PWP1: variants seen among roughly 807,000 people sequenced by gnomAD.
The protein encoded by PWP1 is PWP1 homolog, endonuclein.
In PWP1, 47 loss-of-function variants were observed where a neutral mutation model predicts 69.9. The ratio of observed to expected loss-of-function variants is 0.67; its 90% CI spans 0.53 to 0.86. The LOEUF (loss-of-function observed/expected upper bound fraction) is 0.86, where lower values mean the gene tolerates loss of function less well. Among genes scored for constraint, PWP1 ranks in the 40% least tolerant of loss-of-function variants. PWP1 has a pLI of 0.00. For missense variants in PWP1, 551 were observed against 608.8 expected (o/e 0.91, Z 1.00); for synonymous variants, 222 against 208.2 (o/e 1.07, Z -0.57).
intron 5 of PWP1, among the ~76,000 whole-genome samples, chr12:107,696,029 CTTTTTTTTTT>C (rs397700499): frequency 9.6e-6 from 1 of 103,752 alleles, no homozygotes; most frequent in Non-Finnish European, 1.8e-5. Context: ...ATATTGGAAT[CTTTTTTTTTT>C]TTTTTTTTTT....
intron 13 of PWP1, among the ~76,000 whole-genome samples, 170 bp from the exon 14 acceptor site, chr12:107,710,235 G>A (rs947464946): frequency 6.6e-6 from 1 of 152,100 alleles, no homozygotes; most frequent in Non-Finnish European, 1.5e-5. Flanking sequence ...TGTAGTACTA[G>A]CCCTTCTGAC....
chr12:107,710,775 G>T (rs886147777), intron 14 of PWP1, among the ~76,000 whole-genome samples: 2 of 152,216 alleles, frequency 1.3e-5, no homozygotes, highest in Non-Finnish European at 2.9e-5. Flanking sequence ...ACCAAGTGCA[G>T]AATGTGTGTC....
intron 10 of PWP1, among the ~76,000 whole-genome samples, chr12:107,704,071 C>A (rs181868294): frequency 3.3e-5 from 5 of 152,210 alleles, no homozygotes; most frequent in Non-Finnish European, 7.3e-5. Context: ...TGTGGTCAAC[C>A]ACGGGGTTTA....
intron 8 of PWP1, among the ~76,000 whole-genome samples, chr12:107,699,721 A>AG (rs1889666506): frequency 1.3e-5 from 2 of 152,206 alleles, no homozygotes; most frequent in African/African-American, 4.8e-5. Context: ...ATGGTGCAGT[A>AG]GGATTGTGTT....
chr12:107,689,927 T>G (rs1007304218), intron 3 of PWP1, among the ~76,000 whole-genome samples: 1 of 152,210 alleles, frequency 6.6e-6, no homozygotes, highest in Non-Finnish European at 1.5e-5. Context: ...CAAAGCTCGC[T>G]TTGTTTCTTT....
intron 6 of PWP1, 112 bp from the exon 7 acceptor site, chr12:107,697,355 G>T: frequency 9.1e-7 from 1 of 1,095,216 alleles, no homozygotes; most frequent in Non-Finnish European, 1.2e-6. Flanking sequence ...ATATAAGTTT[G>T]AGAAGCACTG....
At chr12:107,704,419 A>G (rs1187385412) in intron 10 of PWP1, among the ~76,000 whole-genome samples, 1 of 152,248 alleles carries the variant, frequency 6.6e-6, no homozygotes, top group Non-Finnish European at 1.5e-5. Flanking sequence ...GGTCAAAACC[A>G]CTGTAACGTT....
In PWP1 at chr12:107,685,856, A is replaced by G. The variant is rs201124969; in HGVS notation, c.-44A>G. The G allele has an allele frequency of 6.2e-5, 99 of 1,608,762 alleles. No individual in the cohort carries two copies. The African/African-American group carries it at 1.1e-3, about 17-fold the overall frequency. ...AGCAGTGCGGTCGTGGTCCCTCCCT[A>G]TGCAGCCTGGTTTCTAGCGTGACAC... On this transcript the variant is annotated 5_prime_UTR_variant, in exon 1 of 15. It removes an upstream start codon present in the reference 5' UTR. Coordinates refer to ENST00000412830, the MANE Select transcript of PWP1 (RefSeq NM_007062.3).
At chr12:107,698,660 C>A (rs1889642133) in intron 7 of PWP1, among the ~76,000 whole-genome samples, 1 of 152,248 alleles carries the variant, frequency 6.6e-6, no homozygotes. Flanking sequence ...TTATAGTTCA[C>A]TGCAGCCTGA....
intron 11 of PWP1, among the ~76,000 whole-genome samples, chr12:107,706,072 T>G (rs1402949959): frequency 1.3e-5 from 2 of 152,246 alleles, no homozygotes; most frequent in East Asian, 1.9e-4. Context: ...GTTTCCTGAC[T>G]TTTTAATGAT....
intron 3 of PWP1, 121 bp from the exon 4 acceptor site, chr12:107,692,693 A>G: frequency 1.2e-6 from 1 of 829,794 alleles, no homozygotes; most frequent in Non-Finnish European, 1.9e-6. Context: ...CCAACTCTAG[A>G]TGATCCAGAG....
chr12:107,699,326 T>A, intron 7 of PWP1, 47 bp from the exon 8 acceptor site: 1 of 1,389,252 alleles, frequency 7.2e-7, no homozygotes, highest in Non-Finnish European at 1.0e-6. Context: ...TCAGTTTTAT[T>A]ATGAGGGGGA....
At chr12:107,696,034 T>G (rs940597884) in intron 5 of PWP1, among the ~76,000 whole-genome samples, 3 of 146,614 alleles carry the variant, frequency 2.0e-5, no homozygotes, top group African/African-American at 7.5e-5. Context: ...GGAATCTTTT[T>G]TTTTTTTTTT....
At chr12:107,697,868 A>G (rs368137274) in intron 7 of PWP1, 1 of 491,142 alleles carries the variant, frequency 2.0e-6, no homozygotes, top group Non-Finnish European at 3.9e-6. Context: ...CTATAGATGA[A>G]GGACTTTCGG....
chr12:107,695,954 T>C (rs1174380995), intron 5 of PWP1, among the ~76,000 whole-genome samples: 1 of 152,170 alleles, frequency 6.6e-6, no homozygotes, highest in African/African-American at 2.4e-5. Context: ...AGTGTTCATT[T>C]TCTCCTGTGG....
At chr12:107,693,180 C>G (rs1889520031) in intron 5 of PWP1, 84 bp downstream of exon 5, 1 of 1,495,026 alleles carries the variant, frequency 6.7e-7, no homozygotes, top group African/African-American at 1.4e-5. Context: ...TTTTTAGGTG[C>G]CAGATCCTAT....
intron 8 of PWP1, among the ~76,000 whole-genome samples, chr12:107,701,048 G>T (rs1025025348): frequency 3.3e-5 from 5 of 152,148 alleles, no homozygotes; most frequent in African/African-American, 1.2e-4. Context: ...ATTTCTTAAC[G>T]ATTAGTGATG....
At chr12:107,689,407 G>C (rs1433670620) in intron 3 of PWP1, among the ~76,000 whole-genome samples, 3 of 152,166 alleles carry the variant, frequency 2.0e-5, no homozygotes, top group Non-Finnish European at 4.4e-5. Flanking sequence ...CCGTGGATAA[G>C]GGGGGACTAC....
chr12:107,708,784 A>AGTAAATGATTTCT, intron 11 of PWP1, 142 bp from the exon 12 acceptor site: 1 of 770,796 alleles, frequency 1.3e-6, no homozygotes, highest in Non-Finnish European at 2.1e-6. Context: ...GTCGTCCAAA[A>AGTAAATGATTTCT]GTAAATGATT....
Sources: gnomAD v4.1 joint callset for allele counts (sites outside exome capture counted in the v4.1 genomes callset) on GRCh38, gnomAD v4.1.1 for gene constraint, MANE v1.5 for transcripts, NCBI Gene and HGNC (gene_info 2026-07-23, HGNC 2026-07-21) for gene names.